Variants in ZNF521 observed in about 807,000 individuals in gnomAD.
The protein encoded by ZNF521 is zinc finger protein 521, also known as LYST-interacting protein 3.
A neutral mutation model predicts 105.5 loss-of-function variants in ZNF521; 14 were observed. The ratio of observed to expected loss-of-function variants is 0.13; its 90% confidence interval spans 0.09 to 0.21. The LOEUF is 0.21. Ranked by LOEUF, ZNF521 falls within the 10% of genes least tolerant of loss-of-function variation. The pLI, the probability that ZNF521 is intolerant of heterozygous loss-of-function variation, is 1.00. For missense variants in ZNF521, 1,233 were observed against 1,629.7 expected (o/e 0.76, Z 4.19); for synonymous variants, 635 against 606.0 (o/e 1.05, Z -0.70).
At chr18:25,328,617 A>G (rs1913377966) in intron 2 of ZNF521, among the ~76,000 whole-genome samples, 1 of 146,450 alleles carries the variant, frequency 6.8e-6, no homozygotes, top group African/African-American at 2.6e-5. Flanking sequence ...CAGTGGCGTG[A>G]TCTTGGCTCA....
At chr18:25,096,148 C>G (rs2033846513) in intron 5 of ZNF521, among the ~76,000 whole-genome samples, 1 of 152,182 alleles carries the variant, frequency 6.6e-6, no homozygotes, top group Non-Finnish European at 1.5e-5. Context: ...AAACAGGAAT[C>G]AAGTCTACAT....
chr18:25,222,690 T>C (rs1248447990), intron 4 of ZNF521, among the ~76,000 whole-genome samples: 1 of 152,198 alleles, frequency 6.6e-6, no homozygotes, highest in Non-Finnish European at 1.5e-5. Flanking sequence ...AAGAGTAATT[T>C]TCTGCCTTAA....
rs368990374 is a variant in ZNF521, at chr18:25,062,168, T to C, written c.*544A>G. 14 of 203,514 alleles carry C rather than the reference T, an allele frequency of 6.9e-5. No homozygotes were observed. The highest frequency in any genetic ancestry group is 1.7e-3 in the Middle Eastern group (1 of 600). The allele number at this position is 203,514 out of a possible 1,614,324, so 12.6% of individuals were successfully genotyped here. A position where few individuals can be genotyped will look rare whatever the true frequency, so the allele number is the denominator to read the frequency against. On this transcript the variant is annotated 3_prime_UTR_variant, in exon 8 of 8. Coordinates refer to ENST00000361524, the MANE Select transcript of ZNF521 (RefSeq NM_015461.3). ...ATATATAGTGATGCTACCTGTCACATTGCAAGGCTTACAAATATATATATA... is the reference window on the plus strand; with the variant it reads ...ATATATAGTGATGCTACCTGTCACACTGCAAGGCTTACAAATATATATATA...
At chr18:25,151,229 A>G (rs997574301) in intron 5 of ZNF521, among the ~76,000 whole-genome samples, 1 of 152,050 alleles carries the variant, frequency 6.6e-6, no homozygotes, top group East Asian at 1.9e-4. Flanking sequence ...TTAGAAATCC[A>G]TGCTTTAGAT....
intron 1 of ZNF521, chr18:25,351,390 C>G (rs1271070345): frequency 6.7e-6 from 1 of 149,330 alleles, no homozygotes; most frequent in Non-Finnish European, 1.5e-5. Context: ...TAGAAAAAAA[C>G]TAATAAAAAG....
At chr18:25,076,409 T>C (rs140972527) in intron 7 of ZNF521, among the ~76,000 whole-genome samples, 2 of 152,286 alleles carry the variant, frequency 1.3e-5, no homozygotes, top group Non-Finnish European at 2.9e-5. Flanking sequence ...AAACTTAAAG[T>C]TGTCACCAAA....
intron 4 of ZNF521, chr18:25,201,383 G>A (rs1206351230): frequency 6.6e-6 from 1 of 152,166 alleles, no homozygotes; most frequent in Admixed American, 6.6e-5. Flanking sequence ...ATCTGGATTT[G>A]TTCCATAGGG....
chr18:25,232,869 C>A (rs1036136746), intron 3 of ZNF521, among the ~76,000 whole-genome samples: 2 of 152,154 alleles, frequency 1.3e-5, no homozygotes, highest in East Asian at 1.9e-4. Context: ...GGTTTCCCCC[C>A]ACTTGCCTTA....
chr18:25,167,153 C>T (rs1390246419), intron 5 of ZNF521, among the ~76,000 whole-genome samples: 1 of 152,060 alleles, frequency 6.6e-6, no homozygotes, highest in East Asian at 1.9e-4. Context: ...AAGTGGTCAC[C>T]AAATGGTAAT....
At chr18:25,273,231 A>AAAAAAAAAAAAAAAAAAAAAAAC (rs1909795922) in intron 3 of ZNF521, among the ~76,000 whole-genome samples, 1 of 98,464 alleles carries the variant, frequency 1.0e-5, no homozygotes, top group Non-Finnish European at 2.3e-5. Context: ...AAAAAAAAAA[A>AAAAAAAAAAAAAAAAAAAAAAAC]AAAAAAAAAA....
At chr18:25,256,421 T>C (rs1908510543) in intron 3 of ZNF521, among the ~76,000 whole-genome samples, 1 of 152,196 alleles carries the variant, frequency 6.6e-6, no homozygotes, top group Admixed American at 6.5e-5. Flanking sequence ...CAATTAATTT[T>C]TTTAAGTTAG....
intron 5 of ZNF521, among the ~76,000 whole-genome samples, chr18:25,140,606 T>C (rs1026305832): frequency 1.3e-5 from 2 of 152,170 alleles, no homozygotes; most frequent in African/African-American, 4.8e-5. Context: ...GGAAGATGCA[T>C]AAAACTGGGT....
intron 4 of ZNF521, among the ~76,000 whole-genome samples, chr18:25,199,949 T>C (rs1397663573): frequency 1.3e-5 from 2 of 152,078 alleles, no homozygotes; most frequent in African/African-American, 4.8e-5. Flanking sequence ...TTTCATACTT[T>C]AGTCTATAAA....
chr18:25,177,567 A>C (rs2035555886), intron 5 of ZNF521, among the ~76,000 whole-genome samples: 1 of 150,556 alleles, frequency 6.6e-6, no homozygotes, highest in Admixed American at 6.6e-5. Context: ...TTTTTTCAGG[A>C]GTTGAGAAGG....
chr18:25,178,752 T>C (rs772216818), intron 5 of ZNF521, among the ~76,000 whole-genome samples: 24 of 152,210 alleles, frequency 1.6e-4, no homozygotes, highest in Non-Finnish European at 3.5e-4. Context: ...ATAGGTTTTA[T>C]TGCCTAGAAA....
intron 3 of ZNF521, among the ~76,000 whole-genome samples, chr18:25,258,582 A>T (rs1315824809): frequency 1.3e-5 from 2 of 152,174 alleles, no homozygotes; most frequent in Admixed American, 6.6e-5. Flanking sequence ...GCTGGAGGGA[A>T]TTTTAACTGT....
chr18:25,094,353 A>G (rs1307411881), intron 5 of ZNF521, among the ~76,000 whole-genome samples: 1 of 152,170 alleles, frequency 6.6e-6, no homozygotes, highest in African/African-American at 2.4e-5. Flanking sequence ...TGTATTTCTT[A>G]CCCAAAGAAA....
At chr18:25,115,570 T>G (rs2034285855) in intron 5 of ZNF521, among the ~76,000 whole-genome samples, 1 of 152,164 alleles carries the variant, frequency 6.6e-6, no homozygotes, top group African/African-American at 2.4e-5. Flanking sequence ...CTCTAAATAA[T>G]AAATAAAAGT....
At chr18:25,137,199 C>G (rs75408778) in intron 5 of ZNF521, among the ~76,000 whole-genome samples, 2,127 of 152,220 alleles carry the variant, frequency 0.014, 47 homozygotes, top group African/African-American at 0.047. Context: ...CTCTGCTTGC[C>G]AAAGCAGTGT....
Sources: gnomAD v4.1 joint callset for allele counts (sites outside exome capture counted in the v4.1 genomes callset) on GRCh38, gnomAD v4.1.1 for gene constraint, MANE v1.5 for transcripts, NCBI Gene and HGNC (gene_info 2026-07-23, HGNC 2026-07-21) for gene names.